TDRD5: variants seen among roughly 807,000 people sequenced by gnomAD.
TDRD5 encodes tudor domain containing 5.
In TDRD5, 41 loss-of-function variants were observed where a neutral mutation model predicts 120.6. The observed-to-expected ratio is 0.34, with a 90% CI of 0.26 to 0.44. The LOEUF (loss-of-function observed/expected upper bound fraction) is 0.44, where lower values mean the gene tolerates loss of function less well. Ranked by LOEUF, TDRD5 falls within the 20% of genes least tolerant of loss-of-function variation. The pLI is 1.00. For synonymous variants in TDRD5, 430 were observed against 433.7 expected, an observed-to-expected ratio of 0.99 and a Z score of 0.11; for missense variants, 1,006 against 1,221.2, an observed-to-expected ratio of 0.82 and a Z score of 2.63.
At chr1:179,615,449 T>C (rs6689186) in intron 4 of TDRD5, among the ~76,000 whole-genome samples, 7,160 of 152,208 alleles carry the variant, frequency 0.047, 260 homozygotes, top group Non-Finnish European at 0.069. Context: ...TTCTGAAGAG[T>C]ATATCTTTTT....
intron 4 of TDRD5, among the ~76,000 whole-genome samples, chr1:179,596,135 T>C (rs1459948772): frequency 6.6e-6 from 1 of 152,232 alleles, no homozygotes; most frequent in African/African-American, 2.4e-5. Flanking sequence ...AAATATCTTC[T>C]GAATGGCTGT....
At chr1:179,666,023 C>G (rs1020217855) in intron 16 of TDRD5, among the ~76,000 whole-genome samples, 3 of 151,952 alleles carry the variant, frequency 2.0e-5, no homozygotes, top group African/African-American at 7.3e-5. Flanking sequence ...TTTTTTAATC[C>G]CAAAGTCCTC....
intron 14 of TDRD5, among the ~76,000 whole-genome samples, chr1:179,659,081 G>A (rs6691856): frequency 3.3e-5 from 5 of 151,830 alleles, no homozygotes; most frequent in Non-Finnish European, 2.9e-5. Context: ...TTCCTGTTAC[G>A]TCTTTCCAGT....
chr1:179,635,394 CT>C (rs1399569741), intron 8 of TDRD5, among the ~76,000 whole-genome samples: 1 of 152,102 alleles, frequency 6.6e-6, no homozygotes, highest in Non-Finnish European at 1.5e-5. Flanking sequence ...TTGTGTAACG[CT>C]TTTAAACTCT....
chr1:179,661,992 T>C, intron 14 of TDRD5, 112 bp from the exon 15 acceptor site: 3 of 988,866 alleles, frequency 3.0e-6, no homozygotes, highest in Non-Finnish European at 4.2e-6. Flanking sequence ...AAATTGTGAA[T>C]TCAAACTGTC....
At chr1:179,606,628 GAT>G (rs983037811) in intron 4 of TDRD5, among the ~76,000 whole-genome samples, 4 of 152,136 alleles carry the variant, frequency 2.6e-5, no homozygotes, top group African/African-American at 9.7e-5. Context: ...GTAAGGTCTA[GAT>G]ATGTGTGTGT....
At position 179,654,205 on chromosome 1, in the gene TDRD5, A is replaced by G. The variant is rs1303817588; in HGVS notation, c.2165A>G (p.Asp722Gly). Residue 722 changes from aspartate (D) to glycine (G), a missense_variant, in exon 14 of 18, where the codon GAT becomes GGT. Transcript: ENST00000444136. ...ATTCTCTTTCATATCTACTAGCAAG[A>G]TATTAATGATGAAAAGTCTTTAAGT... The part of the protein sequence containing the change: ...SKESELRILQ[D>G]INDEKSLSHL... The G allele has an allele frequency of 1.3e-6, 2 of 1,532,392 alleles. No individual in the cohort carries two copies. The highest frequency in any genetic ancestry group is 1.8e-6 in the Non-Finnish European group (2 of 1,138,456). 94.9% of individuals were successfully genotyped at this position (1,532,392 alleles called of 1,614,324 possible).
chr1:179,620,129 A>G (rs184069491), intron 5 of TDRD5, among the ~76,000 whole-genome samples: 1 of 152,316 alleles, frequency 6.6e-6, no homozygotes, highest in Non-Finnish European at 1.5e-5. Context: ...TCTTTGATAT[A>G]AAACCATGAA....
chr1:179,684,067 C>G (rs1457589295), intron 17 of TDRD5, among the ~76,000 whole-genome samples: 1 of 151,748 alleles, frequency 6.6e-6, no homozygotes, highest in Non-Finnish European at 1.5e-5. Flanking sequence ...TTTTATTATA[C>G]TTTAAGTTTT....
Position 179,626,914 on chromosome 1 carries a change from T to G in TDRD5, c.973-3853T>G, listed in dbSNP as rs1572364258. Among the ~76,000 whole-genome samples the G allele has an allele frequency of 2.0e-5, 3 of 152,254 alleles. No homozygotes were observed. The East Asian group carries it at 5.8e-4, about 29-fold the overall frequency. On this transcript the variant is annotated intron_variant, in intron 6 of 17. Coordinates refer to ENST00000444136, the MANE Select transcript of TDRD5 (RefSeq NM_001199085.3). ...GTAAACCTTACTGAAATGGAAGATT[T>G]GAGGCTATGTGTTTTGAAGAGCACA... is the stretch of plus-strand genomic sequence containing the variant.
intron 4 of TDRD5, 57 bp from the exon 5 acceptor site, chr1:179,618,541 CT>C: frequency 7.5e-7 from 1 of 1,341,916 alleles, no homozygotes; most frequent in Middle Eastern, 1.9e-4. Flanking sequence ...TTAGATCTAC[CT>C]TTGACTTTCT....
intron 6 of TDRD5, among the ~76,000 whole-genome samples, chr1:179,627,704 A>C (rs1352077680): frequency 2.6e-5 from 4 of 152,218 alleles, no homozygotes; most frequent in Non-Finnish European, 5.9e-5. Context: ...CAATATTTTG[A>C]AGCCTATCAA....
At chr1:179,643,790 G>C (rs1678187179) in intron 11 of TDRD5, among the ~76,000 whole-genome samples, 2 of 152,012 alleles carry the variant, frequency 1.3e-5, no homozygotes, top group Non-Finnish European at 2.9e-5. Context: ...AAAAAAGGAA[G>C]GCCAAAAATT....
Position 179,634,582 on chromosome 1 carries a change from C to G in TDRD5, c.1252C>G (p.Gln418Glu). Residue 418 changes from glutamine (Q) to glutamate (E), a missense_variant, in exon 8 of 18, where the codon CAG (glutamine) becomes GAG (glutamate). This residue lies in a region of TDRD5 where 445 missense variants were observed against 515.5 expected (regional missense o/e 0.86). Transcript: ENST00000444136. ...CPSKKQKEPQQKICKKPNLVV... is the reference protein window; with the variant it reads ...CPSKKQKEPQEKICKKPNLVV... ...TTCAAAAAAACAAAAAGAGCCACAA[C>G]AGAAGATTTGCAAGAAGCCTAATCT... 3 of 1,613,938 alleles carry G rather than the reference C, an allele frequency of 1.9e-6. No homozygotes were observed. Among genetic ancestry groups the G allele is most frequent in the Non-Finnish European group, 2.5e-6 (3 of 1,179,976 alleles).
chr1:179,648,389 T>A (rs1186763638), intron 11 of TDRD5, among the ~76,000 whole-genome samples: 1 of 120,336 alleles, frequency 8.3e-6, no homozygotes, highest in African/African-American at 3.0e-5. Flanking sequence ...TAGATGGGAA[T>A]TGAACAATGA....
At chr1:179,675,873 AT>A (rs1278726531) in intron 17 of TDRD5, among the ~76,000 whole-genome samples, 1 of 152,136 alleles carries the variant, frequency 6.6e-6, no homozygotes, top group East Asian at 1.9e-4. Flanking sequence ...TATCTGTTAA[AT>A]CCATTTGTTG....
At chr1:179,626,734 G>T (rs12047528) in intron 6 of TDRD5, among the ~76,000 whole-genome samples, 1 of 151,990 alleles carries the variant, frequency 6.6e-6, no homozygotes, top group Admixed American at 6.6e-5. Flanking sequence ...AACTTTTTCT[G>T]TGTTTGAAAT....
chr1:179,621,180 C>T lies in TDRD5; in HGVS notation c.972+89C>T, dbSNP rs898322490. The stretch of plus-strand genomic sequence containing the variant: ...ATTTTGTGGCTACTCCTTGGATTCT[C>T]CAGGTCTATGCTCTAAAACGGAAAC... On this transcript the variant is annotated intron_variant, in intron 6 of 17. Coordinates refer to ENST00000444136, the MANE Select transcript of TDRD5 (RefSeq NM_001199085.3). 3.9e-5 allele frequency: 44 copies of T among 1,134,354 alleles called. No homozygotes were observed. The South Asian group carries it at 6.9e-4, about 18-fold the overall frequency. 70.3% of individuals were successfully genotyped at this position (1,134,354 alleles called of 1,614,324 possible). A position where few individuals can be genotyped will look rare whatever the true frequency, so the allele number is the denominator to read the frequency against.
At chr1:179,592,560 G>T in intron 1 of TDRD5, 42 bp from the exon 2 acceptor site, 22 of 1,470,028 alleles carry the variant, frequency 1.5e-5, no homozygotes, top group Admixed American at 9.6e-5. Flanking sequence ...ATCTTTTTTC[G>T]TGGGTTTGCC....
Sources: allele counts gnomAD v4.1 joint callset (sites outside exome capture counted in the v4.1 genomes callset), GRCh38; gene constraint gnomAD v4.1.1; regional missense constraint gnomAD v4.1.1; transcripts MANE v1.5; gene names NCBI Gene and HGNC (gene_info 2026-07-23, HGNC 2026-07-21).